Variants in CNTN4 observed in about 807,000 individuals in gnomAD.
CNTN4 encodes contactin-4.
A neutral mutation model predicts 122.5 loss-of-function variants in CNTN4; 77 were observed. That is an observed-to-expected ratio of 0.63 (90% CI 0.52 to 0.76). The LOEUF (loss-of-function observed/expected upper bound fraction) is 0.76. Among genes scored for constraint, CNTN4 ranks in the 30% least tolerant of loss-of-function variants. CNTN4 has a pLI of 0.00. For synonymous variants in CNTN4, 512 were observed against 447.0 expected, an observed-to-expected ratio of 1.15 and a Z score of -1.83; for missense variants, 1,256 against 1,259.1, an observed-to-expected ratio of 1.00 and a Z score of 0.04.
rs2093929608 is a variant in CNTN4, at chr3:2,882,977, A to T, written c.653-168A>T. On this transcript the variant is annotated intron_variant, in intron 8 of 24. Coordinates refer to ENST00000418658, the MANE Select transcript of CNTN4 (RefSeq NM_175607.3). ...AAATTTTTCTGTAGCAGTAACTGGG[A>T]GAAGAGCCACAATTCATGACTGCTG... 5.2e-6 allele frequency: 3 copies of T among 578,180 alleles called. No homozygotes were observed. In the East Asian group the frequency reaches 9.7e-5, roughly 19 times the overall value. The allele number at this position is 578,180 out of a possible 1,614,324, so 35.8% of individuals were successfully genotyped here.
chr3:2,952,954 A>C (rs1184309807), intron 13 of CNTN4, among the ~76,000 whole-genome samples: 1 of 152,154 alleles, frequency 6.6e-6, no homozygotes, highest in Non-Finnish European at 1.5e-5. Flanking sequence ...ATCTCCCCCA[A>C]ACTCTCCAGC....
chr3:2,416,739 T>C (rs1042382390), intron 3 of CNTN4, among the ~76,000 whole-genome samples: 1 of 152,044 alleles, frequency 6.6e-6, no homozygotes, highest in Non-Finnish European at 1.5e-5. Flanking sequence ...CTGCAAGCTC[T>C]GCCTCTCGGG....
chr3:2,449,236 T>C (rs2048735545), intron 3 of CNTN4, among the ~76,000 whole-genome samples: 1 of 152,224 alleles, frequency 6.6e-6, no homozygotes, highest in East Asian at 1.9e-4. Flanking sequence ...CATCAACCAC[T>C]GATAGGTAAG....
chr3:2,646,099 T>C (rs1476142347), intron 4 of CNTN4, among the ~76,000 whole-genome samples: 1 of 152,192 alleles, frequency 6.6e-6, no homozygotes, highest in East Asian at 1.9e-4. Flanking sequence ...AGAGTCAGTG[T>C]CCTCATCCTT....
At chr3:2,935,641 C>T (rs1012175784) in intron 13 of CNTN4, among the ~76,000 whole-genome samples, 4 of 152,024 alleles carry the variant, frequency 2.6e-5, no homozygotes, top group Non-Finnish European at 5.9e-5. Context: ...ACATGTGTCA[C>T]GGAAAAGGGA....
At chr3:2,270,545 G>A (rs893528729) in intron 2 of CNTN4, among the ~76,000 whole-genome samples, 1 of 152,044 alleles carries the variant, frequency 6.6e-6, no homozygotes, top group African/African-American at 2.4e-5. Context: ...GACCTGTGGG[G>A]CCCTACTTTC....
chr3:2,425,839 G>A (rs1374001164), intron 3 of CNTN4, among the ~76,000 whole-genome samples: 1 of 152,086 alleles, frequency 6.6e-6, no homozygotes, highest in Non-Finnish European at 1.5e-5. Context: ...ATTGTGAATG[G>A]GAGTTCACTC....
At chr3:2,186,035 C>G (rs531038463) in intron 2 of CNTN4, among the ~76,000 whole-genome samples, 14 of 152,176 alleles carry the variant, frequency 9.2e-5, no homozygotes, top group African/African-American at 2.9e-4. Context: ...CACCCATTAA[C>G]TCGTCATTTA....
intron 3 of CNTN4, among the ~76,000 whole-genome samples, chr3:2,384,163 A>G (rs1328021521): frequency 1.3e-5 from 2 of 152,118 alleles, no homozygotes; most frequent in Non-Finnish European, 2.9e-5. Flanking sequence ...TGTGCATCAT[A>G]AGGACTCAGT....
intron 3 of CNTN4, among the ~76,000 whole-genome samples, chr3:2,513,058 A>G (rs749718884): frequency 1.3e-5 from 2 of 152,212 alleles, no homozygotes; most frequent in South Asian, 2.1e-4. Flanking sequence ...AACATCTGGT[A>G]AGATGAAGCA....
At chr3:2,782,653 T>C (rs906980352) in intron 6 of CNTN4, among the ~76,000 whole-genome samples, 53 of 152,110 alleles carry the variant, frequency 3.5e-4, no homozygotes, top group African/African-American at 1.3e-3. Context: ...AGACCAGGTG[T>C]CATGATTCAG....
intron 2 of CNTN4, among the ~76,000 whole-genome samples, chr3:2,318,218 T>TAAA (rs372313468): frequency 3.6e-5 from 4 of 112,676 alleles, no homozygotes. Context: ...AACTTGTCCC[T>TAAA]AAAAAAAAAA....
intron 2 of CNTN4, among the ~76,000 whole-genome samples, chr3:2,167,500 A>G (rs1196702697): frequency 6.6e-6 from 1 of 152,234 alleles, no homozygotes; most frequent in Non-Finnish European, 1.5e-5. Context: ...ATTATGATGA[A>G]TTGGAAACAT....
chr3:2,727,589 C>T (rs1479706379), intron 4 of CNTN4, among the ~76,000 whole-genome samples: 1 of 152,182 alleles, frequency 6.6e-6, no homozygotes, highest in Non-Finnish European at 1.5e-5. Context: ...CCTAAAAATC[C>T]TCGAGCAATG....
chr3:2,385,260 C>T lies in CNTN4; in HGVS notation c.-89+46027C>T, dbSNP rs995755627. On this transcript the variant is annotated intron_variant, in intron 3 of 24. Transcript: ENST00000418658. The surrounding 1 kb of genome is among the most constrained non-coding windows in gnomAD (Gnocchi z 4.0). ...TTTTTATTTTTTATTTTTATTTCTACACTTTTTATTTCTACAGTAATATCA... is the reference window on the plus strand; with the variant it reads ...TTTTTATTTTTTATTTTTATTTCTATACTTTTTATTTCTACAGTAATATCA... Among the ~76,000 whole-genome samples the T allele has an allele frequency of 2.0e-5, 3 of 152,036 alleles. No homozygotes were observed. The highest frequency in any genetic ancestry group is 7.2e-5 in the African/African-American group (3 of 41,406).
At chr3:2,933,553 G>T (rs2094543245) in intron 13 of CNTN4, among the ~76,000 whole-genome samples, 1 of 152,066 alleles carries the variant, frequency 6.6e-6, no homozygotes, top group South Asian at 2.1e-4. Context: ...CTTTTTCTTT[G>T]GCATAGTGAG....
intron 7 of CNTN4, among the ~76,000 whole-genome samples, chr3:2,828,926 A>T (rs1559551372): frequency 6.6e-6 from 1 of 151,934 alleles, no homozygotes; most frequent in Non-Finnish European, 1.5e-5. Context: ...TTTGTTAGAG[A>T]TGGGGTCTTG....
At chr3:2,670,323 A>G (rs933533008) in intron 4 of CNTN4, among the ~76,000 whole-genome samples, 6 of 152,162 alleles carry the variant, frequency 3.9e-5, no homozygotes, top group Admixed American at 2.0e-4. Context: ...TTCTTGTTGA[A>G]TTGATCCCTT....
chr3:2,811,331 C>CT (rs2092603091), intron 6 of CNTN4, among the ~76,000 whole-genome samples: 2 of 150,916 alleles, frequency 1.3e-5, no homozygotes, highest in African/African-American at 4.9e-5. Flanking sequence ...TCACTTAAAC[C>CT]CAAGAGGCAG....
Sources: allele counts gnomAD v4.1 joint callset (sites outside exome capture counted in the v4.1 genomes callset), GRCh38; gene constraint gnomAD v4.1.1; non-coding constraint Gnocchi (gnomAD v3.1); transcripts MANE v1.5; gene names NCBI Gene and HGNC (gene_info 2026-07-23, HGNC 2026-07-21).